SLC22A5: variants seen among roughly 807,000 people sequenced by gnomAD.
SLC22A5 encodes organic cation/carnitine transporter 2.
Under a neutral mutation model 56.7 loss-of-function variants are expected in SLC22A5, and 44 were observed. The ratio of observed to expected loss-of-function variants is 0.78; its 90% CI spans 0.61 to 1.00. The LOEUF (loss-of-function observed/expected upper bound fraction) is 1.00, where lower values mean the gene tolerates loss of function less well. Ranked by LOEUF, SLC22A5 falls within the 50% of genes least tolerant of loss-of-function variation. SLC22A5 has a pLI of 0.00. For synonymous variants in SLC22A5, 278 were observed against 292.1 expected (o/e 0.95, Z 0.49); for missense variants, 675 against 723.0 (o/e 0.93, Z 0.76).
chr5:132,382,630 G>C (rs1396619576), intron 2 of SLC22A5: 11 of 152,076 alleles, frequency 7.2e-5, no homozygotes, highest in Non-Finnish European at 1.3e-4. Flanking sequence ...TGAATGTCCA[G>C]TTCCCCAACC....
In SLC22A5 at chr5:132,384,127, C is replaced by G; in HGVS notation, c.498-20C>G. The G allele has an allele frequency of 6.2e-7, 1 of 1,613,992 alleles. No individual in the cohort carries two copies. The highest frequency in any genetic ancestry group is 8.5e-7 in the Non-Finnish European group (1 of 1,179,956). ...TGCCCTTTTCCAGCTGGTTATCTGTCACTCTCCTTTTCTTCCCAGGTTTGG... is the reference window on the plus strand; with the variant it reads ...TGCCCTTTTCCAGCTGGTTATCTGTGACTCTCCTTTTCTTCCCAGGTTTGG... On this transcript the variant is annotated intron_variant, in intron 2 of 9. Coordinates refer to ENST00000245407, the MANE Select transcript of SLC22A5 (RefSeq NM_003060.4).
chr5:132,378,103 C>T (rs1752209547), intron 1 of SLC22A5: 3 of 1,548,922 alleles, frequency 1.9e-6, no homozygotes, highest in South Asian at 1.2e-5. Flanking sequence ...TTGCTTTCTC[C>T]AGGGTCAGCA....
In SLC22A5 at chr5:132,385,371, G is replaced by T. The variant is rs748677211; in HGVS notation, c.696G>T (p.Thr232=). 1.9e-6 allele frequency: 3 copies of T among 1,613,982 alleles called. No individual in the cohort carries two copies. The highest frequency in any genetic ancestry group is 1.6e-4 in the Middle Eastern group (1 of 6,076). ...LGKSVRIIFS[T]LGVCIFYAFG... is the part of the protein sequence containing the mutation. ...AGTCAGTTCGTATAATATTCTCTAC[G>T]TTAGGAGTGTGCATATTTTATGCAT... The change falls in exon 4 of 10, where the codon ACG becomes ACT. Residue 232 remains threonine (T), a synonymous_variant. Coordinates refer to ENST00000245407, the MANE Select transcript of SLC22A5 (RefSeq NM_003060.4).
chr5:132,390,387 G>A (rs1752657709), intron 6 of SLC22A5: 1 of 434,086 alleles, frequency 2.3e-6, no homozygotes, highest in African/African-American at 2.0e-5. Context: ...TGAAAGGCAG[G>A]TTGGAATTTT....
chr5:132,374,955 G>A (rs1752082582), intron 1 of SLC22A5, among the ~76,000 whole-genome samples: 1 of 152,178 alleles, frequency 6.6e-6, no homozygotes, highest in South Asian at 2.1e-4. Context: ...TCAGGAGGCT[G>A]AGGCATGAGA....
intron 1 of SLC22A5, 142 bp from the exon 2 acceptor site, chr5:132,378,236 G>A (rs541126811): frequency 5.0e-6 from 8 of 1,613,974 alleles, no homozygotes; most frequent in Admixed American, 1.7e-5. Context: ...TCCTGCCCAG[G>A]TGAGCCATCA....
At chr5:132,387,400 C>A (rs1312842427) in intron 5 of SLC22A5, among the ~76,000 whole-genome samples, 4 of 150,162 alleles carry the variant, frequency 2.7e-5, no homozygotes, top group Non-Finnish European at 5.9e-5. Flanking sequence ...TTTTTTACTT[C>A]CTTTCTAGGC....
rs574313463 is a variant in SLC22A5 at position 132,370,002 on chromosome 5, C to T, written c.30C>T (p.Phe10=). The change falls in exon 1 of 10, where the codon TTC becomes TTT. Residue 10 remains phenylalanine (F), a synonymous_variant. Coordinates refer to ENST00000245407, the MANE Select transcript of SLC22A5 (RefSeq NM_003060.4). MRDYDEVTA[F]LGEWGPFQRL... is the part of the protein sequence containing the mutation. ...GGGACTACGACGAGGTGACCGCCTT[C>T]CTGGGCGAGTGGGGGCCCTTCCAGC... 1.4e-5 allele frequency: 22 copies of T among 1,613,318 alleles called. No individual in the cohort carries two copies. In the East Asian group the frequency reaches 4.9e-4, roughly 36 times the overall value.
chr5:132,370,121 G>A lies in SLC22A5; in HGVS notation c.149G>A (p.Cys50Tyr). 6.2e-7 allele frequency: 1 copy of A among 1,611,168 alleles called. No individual in the cohort carries two copies. The change falls in exon 1 of 10, where the codon TGC (cysteine) becomes TAC (tyrosine). Residue 50 changes from cysteine (C) to tyrosine (Y), a missense_variant. Coordinates refer to ENST00000245407, the MANE Select transcript of SLC22A5 (RefSeq NM_003060.4). ...VFLIATPEHR[C>Y]RVPDAANLSS... The stretch of plus-strand genomic sequence containing the variant: ...CTGATAGCGACCCCGGAGCACCGCT[G>A]CCGGGTGCCGGACGCCGCGAACCTG...
chr5:132,369,867 C>G lies in SLC22A5; in HGVS notation c.-106C>G. On this transcript the variant is annotated 5_prime_UTR_variant, in exon 1 of 10. Coordinates refer to ENST00000245407, the MANE Select transcript of SLC22A5 (RefSeq NM_003060.4). ...ACCCTCCGCGGACGGTCTTGGGTCG[C>G]CTGCTGCCTGGCTTGCCTGGTCGGC... 2 of 1,469,202 alleles carry G rather than the reference C, an allele frequency of 1.4e-6. No individual in the cohort carries two copies. Among genetic ancestry groups the G allele is most frequent in the Non-Finnish European group, 1.8e-6 (2 of 1,098,440 alleles). The allele number at this position is 1,469,202 out of a possible 1,614,324, so 91.0% of individuals were successfully genotyped here. A position where few individuals can be genotyped will look rare whatever the true frequency, so the allele number is the denominator to read the frequency against.
chr5:132,394,049 G>A (rs1752794960), intron 9 of SLC22A5, 136 bp from the exon 10 acceptor site: 1 of 781,636 alleles, frequency 1.3e-6, no homozygotes, highest in African/African-American at 1.7e-5. Flanking sequence ...GGATAACTCA[G>A]AGGCTAGAAG....
intron 7 of SLC22A5, 43 bp from the exon 8 acceptor site, chr5:132,392,390 T>C: frequency 6.5e-7 from 1 of 1,547,430 alleles, no homozygotes; most frequent in Non-Finnish European, 8.9e-7. Context: ...CTGCATGCCA[T>C]GGGTTGGTAC....
At chr5:132,386,897 T>G (rs1752550530) in intron 4 of SLC22A5, 128 bp from the exon 5 acceptor site, 5 of 1,006,650 alleles carry the variant, frequency 5.0e-6, no homozygotes, top group Non-Finnish European at 7.9e-6. Context: ...GCTTCTGGCT[T>G]GTGATCACCA....
Position 132,369,721 on chromosome 5 carries a change from C to T in SLC22A5, c.-252C>T, listed in dbSNP as rs1239832201. The T allele has an allele frequency of 6.7e-6, 3 of 447,132 alleles. No individual in the cohort carries two copies. Among genetic ancestry groups the T allele is most frequent in the South Asian group, 5.4e-5 (1 of 18,420 alleles). 27.7% of individuals were successfully genotyped at this position (447,132 alleles called of 1,614,324 possible). On this transcript the variant is annotated 5_prime_UTR_variant, in exon 1 of 10. Transcript: ENST00000245407. Reference sequence around the variant, plus strand: ...CCCGCCCCAGCTCCGCCTTCGCCGGCGCCGCTCTGCCTGCCAGCGGGGCGC... The same window carrying T: ...CCCGCCCCAGCTCCGCCTTCGCCGGTGCCGCTCTGCCTGCCAGCGGGGCGC...
chr5:132,379,061 T>G, intron 2 of SLC22A5: 1 of 162,796 alleles, frequency 6.1e-6, no homozygotes, highest in Non-Finnish European at 1.4e-5. Context: ...GATCCATTTC[T>G]TATAAGCAGG....
At chr5:132,380,539 A>G (rs1752312057) in intron 2 of SLC22A5, 1 of 152,160 alleles carries the variant, frequency 6.6e-6, no homozygotes, top group Non-Finnish European at 1.5e-5. Flanking sequence ...ACAGTAGTTC[A>G]TGCCAGAGAT....
At chr5:132,372,812 G>C (rs183475050) in intron 1 of SLC22A5, among the ~76,000 whole-genome samples, 3 of 152,292 alleles carry the variant, frequency 2.0e-5, no homozygotes, top group Admixed American at 2.0e-4. Flanking sequence ...TCTATGGCCT[G>C]TTGTCTTTCA....
At chr5:132,389,206 G>A (rs1752625339) in intron 6 of SLC22A5, 185 bp downstream of exon 6, 2 of 597,860 alleles carry the variant, frequency 3.3e-6, no homozygotes, top group Non-Finnish European at 6.1e-6. Context: ...TGGAACCTCA[G>A]AAAAGGAGAA....
rs958385669 is a variant in SLC22A5, at chr5:132,395,415, T to C, written c.*1143T>C. ...TGTGTTCATAGTCTTTCAGAGTAGC[T>C]CACTTTAGTCCTGTAACTTTATTGG... On this transcript the variant is annotated 3_prime_UTR_variant, in exon 10 of 10. Coordinates refer to ENST00000245407, the MANE Select transcript of SLC22A5 (RefSeq NM_003060.4). 3 of 152,770 alleles carry C rather than the reference T, an allele frequency of 2.0e-5. No homozygotes were observed. Among genetic ancestry groups the C allele is most frequent in the African/African-American group, 7.2e-5 (3 of 41,436 alleles). The allele number at this position is 152,770 out of a possible 1,614,324, so 9.5% of individuals were successfully genotyped here. A position where few individuals can be genotyped will look rare whatever the true frequency, so the allele number is the denominator to read the frequency against.
Sources: gnomAD v4.1 joint callset for allele counts (sites outside exome capture counted in the v4.1 genomes callset) on GRCh38, gnomAD v4.1.1 for gene constraint, MANE v1.5 for transcripts, NCBI Gene and HGNC (gene_info 2026-07-23, HGNC 2026-07-21) for gene names.